PHF24: variants seen among roughly 807,000 people sequenced by gnomAD.
PHF24 encodes Galpha inhibitory interacting protein.
PHF24 carries 25 observed loss-of-function variants against 42.6 expected under a neutral mutation model. That is an observed-to-expected ratio of 0.59 (90% CI 0.43 to 0.82). PHF24 has a LOEUF of 0.82. Among genes scored for constraint, PHF24 ranks in the 40% least tolerant of loss-of-function variants. The pLI is 0.00. For synonymous variants in PHF24, 185 were observed against 204.8 expected (o/e 0.90, Z 0.83); for missense variants, 470 against 538.1 (o/e 0.87, Z 1.25).
At chr9:34,887,880 C>T in the PHF24 span, among the ~76,000 whole-genome samples, 1 of 152,120 alleles carries the variant, frequency 6.6e-6, no homozygotes, top group Non-Finnish European at 1.5e-5. Flanking sequence ...TATAAAAGTG[C>T]CTGGCATATA....
the PHF24 span, among the ~76,000 whole-genome samples, chr9:34,821,894 A>G: frequency 6.6e-6 from 1 of 152,198 alleles, no homozygotes; most frequent in Admixed American, 6.5e-5. Flanking sequence ...ATACTCAATA[A>G]GGCCAAATCC....
the PHF24 span, chr9:34,922,523 G>A: frequency 9.2e-4 from 983 of 1,065,962 alleles, 2 homozygotes; most frequent in South Asian, 1.3e-3. Context: ...CATCACCAGC[G>A]GCAACCTCAG....
chr9:34,896,472 G>A, the PHF24 span, among the ~76,000 whole-genome samples: 1 of 152,176 alleles, frequency 6.6e-6, no homozygotes, highest in Non-Finnish European at 1.5e-5. Context: ...AAATGAATGA[G>A]GCTCACTTCT....
At chr9:34,960,079 C>T (rs889179101) in intron 1 of PHF24, among the ~76,000 whole-genome samples, 1 of 152,200 alleles carries the variant, frequency 6.6e-6, no homozygotes, top group African/African-American at 2.4e-5. Context: ...AGTGTTGCCT[C>T]CTCATCTCGC....
chr9:34,784,191 C>T, the PHF24 span, among the ~76,000 whole-genome samples: 125 of 152,258 alleles, frequency 8.2e-4, no homozygotes, highest in Non-Finnish European at 1.4e-3. Context: ...CTGGTGGAGG[C>T]GTCTTGCCTA....
At chr9:34,678,674 A>C in the PHF24 span, among the ~76,000 whole-genome samples, 1 of 151,348 alleles carries the variant, frequency 6.6e-6, no homozygotes, top group Admixed American at 6.6e-5. Context: ...TCTGTCACCC[A>C]GGCTGGAGTG....
At chr9:34,849,355 A>G in the PHF24 span, among the ~76,000 whole-genome samples, 1 of 152,016 alleles carries the variant, frequency 6.6e-6, no homozygotes, top group African/African-American at 2.4e-5. Flanking sequence ...CCATTATGTA[A>G]TGGCCTTCTT....
At chr9:34,796,949 C>T in the PHF24 span, among the ~76,000 whole-genome samples, 4 of 152,292 alleles carry the variant, frequency 2.6e-5, no homozygotes, top group East Asian at 3.8e-4. Flanking sequence ...AATAAACAAA[C>T]GTCCATCCAA....
chr9:34,771,016 G>A, the PHF24 span, among the ~76,000 whole-genome samples: 1 of 152,298 alleles, frequency 6.6e-6, no homozygotes, highest in South Asian at 2.1e-4. Context: ...GGGAGGCTGA[G>A]GCAGGAGAAT....
At chr9:34,851,175 TTTTG>T in the PHF24 span, among the ~76,000 whole-genome samples, 1 of 152,150 alleles carries the variant, frequency 6.6e-6, no homozygotes, top group African/African-American at 2.4e-5. Flanking sequence ...ACTGCTGTCT[TTTTG>T]TTTGTCTGTG....
the PHF24 span, among the ~76,000 whole-genome samples, chr9:34,716,385 C>G: frequency 1.3e-5 from 2 of 152,032 alleles, no homozygotes; most frequent in Non-Finnish European, 2.9e-5. Flanking sequence ...TAGAAACAGG[C>G]GTATCTTAGA....
the PHF24 span, among the ~76,000 whole-genome samples, chr9:34,915,021 C>CT: frequency 1.2e-5 from 1 of 82,078 alleles, no homozygotes; most frequent in Admixed American, 1.5e-4. Context: ...TTTCTTTTTT[C>CT]TTTTCTTTTT....
At chr9:34,910,930 C>G in the PHF24 span, among the ~76,000 whole-genome samples, 1 of 151,912 alleles carries the variant, frequency 6.6e-6, no homozygotes, top group African/African-American at 2.4e-5. Flanking sequence ...TCAAGCAATC[C>G]TTCTGCCTCA....
At chr9:34,687,100 G>A in the PHF24 span, among the ~76,000 whole-genome samples, 970 of 152,190 alleles carry the variant, frequency 6.4e-3, 15 homozygotes, top group African/African-American at 0.021. Flanking sequence ...AGGATGGAAA[G>A]CATTGGCTGT....
intron 1 of PHF24, among the ~76,000 whole-genome samples, chr9:34,969,167 T>C (rs1395550376): frequency 6.6e-6 from 1 of 152,200 alleles, no homozygotes; most frequent in Non-Finnish European, 1.5e-5. Context: ...AAGAGACTGA[T>C]TGTGGGGACT....
chr9:34,723,015 C>T, the PHF24 span: 1 of 641,010 alleles, frequency 1.6e-6, no homozygotes, highest in Admixed American at 3.1e-5. Context: ...CTTCCCTTAA[C>T]ACAATACAGC....
chr9:34,677,389 GTTTTTTTTT>G, the PHF24 span, among the ~76,000 whole-genome samples: 21,419 of 79,936 alleles, frequency 0.27, 1,849 homozygotes, highest in South Asian at 0.37. Flanking sequence ...TTTGTAAACT[GTTTTTTTTT>G]TTTTTTTTTT....
At chr9:34,788,673 C>T in the PHF24 span, among the ~76,000 whole-genome samples, 8 of 152,136 alleles carry the variant, frequency 5.3e-5, no homozygotes, top group Admixed American at 3.3e-4. Flanking sequence ...TATAGTTTAG[C>T]GGTGTGCTCC....
the PHF24 span, among the ~76,000 whole-genome samples, chr9:34,850,793 C>G: frequency 2.6e-5 from 4 of 152,176 alleles, no homozygotes; most frequent in Admixed American, 2.6e-4. Context: ...GATGTCCTTT[C>G]TGTTTGTTAG....
Sources: allele counts gnomAD v4.1 joint callset (sites outside exome capture counted in the v4.1 genomes callset), GRCh38; gene constraint gnomAD v4.1.1; transcripts MANE v1.5; gene names NCBI Gene and HGNC (gene_info 2026-07-23, HGNC 2026-07-21).